NEK10: variants seen among roughly 807,000 people sequenced by gnomAD.
The protein encoded by NEK10 is NIMA related kinase 10.
NEK10 carries 122 observed loss-of-function variants against 159.8 expected under a neutral mutation model. The ratio of observed to expected loss-of-function variants is 0.76; its 90% confidence interval spans 0.66 to 0.89. The LOEUF (loss-of-function observed/expected upper bound fraction) is 0.89, where lower values mean the gene tolerates loss of function less well. NEK10 is among the 40% of genes least tolerant of loss of function. The probability of loss-of-function intolerance (pLI) is 0.00; values close to 1 mark genes in which losing one functional copy is unlikely to be tolerated. For missense variants in NEK10, 1,342 were observed against 1,323.1 expected (o/e 1.01, Z -0.22); for synonymous variants, 466 against 457.1 (o/e 1.02, Z -0.25).
intron 32 of NEK10, among the ~76,000 whole-genome samples, chr3:27,130,310 C>T (rs1226304433): frequency 3.9e-5 from 6 of 152,134 alleles, no homozygotes; most frequent in Admixed American, 3.9e-4. Flanking sequence ...TCTCCTACCA[C>T]CCTACCAATT....
At chr3:27,330,655 T>A (rs1239812509) in intron 5 of NEK10, among the ~76,000 whole-genome samples, 1 of 152,180 alleles carries the variant, frequency 6.6e-6, no homozygotes, top group Admixed American at 6.6e-5. Context: ...TGAACAATCT[T>A]AGCCTCAATG....
At chr3:27,367,933 T>C (rs2049216155) in intron 1 of NEK10, among the ~76,000 whole-genome samples, 1 of 152,082 alleles carries the variant, frequency 6.6e-6, no homozygotes, top group African/African-American at 2.4e-5. Context: ...AAGATTGGAT[T>C]AGGGTAATGG....
intron 5 of NEK10, among the ~76,000 whole-genome samples, chr3:27,323,826 A>G (rs1035940862): frequency 7.8e-4 from 119 of 152,344 alleles, no homozygotes; most frequent in African/African-American, 2.3e-3. Flanking sequence ...AATAAGGACA[A>G]TTGCAATTTT....
At chr3:27,192,782 G>A (rs1279551282) in intron 25 of NEK10, among the ~76,000 whole-genome samples, 4 of 151,992 alleles carry the variant, frequency 2.6e-5, no homozygotes. Context: ...ACATATTATG[G>A]TACATGGGAA....
At chr3:27,220,162 C>A (rs1037684028) in intron 23 of NEK10, among the ~76,000 whole-genome samples, 1 of 152,214 alleles carries the variant, frequency 6.6e-6, no homozygotes, top group Non-Finnish European at 1.5e-5. Flanking sequence ...CCTCTTGTTG[C>A]TGTGCAAATC....
chr3:27,360,030 A>G (rs1464069087), intron 1 of NEK10, among the ~76,000 whole-genome samples: 2 of 152,270 alleles, frequency 1.3e-5, no homozygotes, highest in Non-Finnish European at 2.9e-5. Context: ...TTTTCAAAAT[A>G]AGGTGAGCAA....
intron 31 of NEK10, 49 bp from the exon 32 acceptor site, chr3:27,132,039 A>G (rs1302848700): frequency 3.0e-6 from 3 of 1,013,150 alleles, no homozygotes; most frequent in Non-Finnish European, 4.6e-6. Flanking sequence ...TTAACACTAC[A>G]CAGCTGACTA....
At chr3:27,247,466 C>T (rs1179145431) in intron 23 of NEK10, among the ~76,000 whole-genome samples, 2 of 152,134 alleles carry the variant, frequency 1.3e-5, no homozygotes, top group Non-Finnish European at 2.9e-5. Context: ...GGATAAATCC[C>T]ACTTGATCAT....
intron 5 of NEK10, among the ~76,000 whole-genome samples, chr3:27,329,464 T>A (rs2046244271): frequency 6.6e-6 from 1 of 152,196 alleles, no homozygotes; most frequent in Non-Finnish European, 1.5e-5. Flanking sequence ...GCTCCCAGGA[T>A]GTGACTGTCA....
At chr3:27,305,906 T>C (rs1311143053) in intron 11 of NEK10, among the ~76,000 whole-genome samples, 1 of 152,140 alleles carries the variant, frequency 6.6e-6, no homozygotes, top group Non-Finnish European at 1.5e-5. Context: ...GTGTCATCCA[T>C]TCCCATGATT....
chr3:27,313,680 A>G (rs1466819791), intron 7 of NEK10, among the ~76,000 whole-genome samples: 1 of 152,158 alleles, frequency 6.6e-6, no homozygotes, highest in East Asian at 1.9e-4. Context: ...CATATGGTAT[A>G]TACAATGCTA....
At chr3:27,319,296 G>T (rs769851938) in intron 6 of NEK10, among the ~76,000 whole-genome samples, 1 of 152,122 alleles carries the variant, frequency 6.6e-6, no homozygotes, top group Non-Finnish European at 1.5e-5. Context: ...GTTTAATTCT[G>T]AAAAACTCTA....
At chr3:27,222,782 A>G (rs1316197411) in intron 23 of NEK10, among the ~76,000 whole-genome samples, 1 of 152,100 alleles carries the variant, frequency 6.6e-6, no homozygotes, top group Non-Finnish European at 1.5e-5. Context: ...AAAAAACTCT[A>G]CAAATATTTT....
intron 23 of NEK10, among the ~76,000 whole-genome samples, chr3:27,209,447 CT>C (rs1950812337): frequency 6.6e-6 from 1 of 152,194 alleles, no homozygotes; most frequent in Non-Finnish European, 1.5e-5. Context: ...CTTTCTATTT[CT>C]CTCATGTTGC....
intron 29 of NEK10, among the ~76,000 whole-genome samples, chr3:27,168,431 A>G (rs372813492): frequency 2.6e-5 from 4 of 152,216 alleles, no homozygotes; most frequent in Admixed American, 2.6e-4. Flanking sequence ...GGAAAATCCT[A>G]AACAAATTAG....
intron 25 of NEK10, among the ~76,000 whole-genome samples, chr3:27,193,864 G>T (rs1283864088): frequency 6.6e-6 from 1 of 152,082 alleles, no homozygotes; most frequent in South Asian, 2.1e-4. Context: ...TTCTAGAGAA[G>T]AGGGACATGT....
At chr3:27,315,751 C>G (rs1181071142) in intron 6 of NEK10, among the ~76,000 whole-genome samples, 1 of 152,122 alleles carries the variant, frequency 6.6e-6, no homozygotes, top group Non-Finnish European at 1.5e-5. Flanking sequence ...ACAACTAGAA[C>G]TTAAGACAGA....
At chr3:27,313,783 G>T (rs2044911297) in intron 7 of NEK10, among the ~76,000 whole-genome samples, 1 of 152,122 alleles carries the variant, frequency 6.6e-6, no homozygotes, top group Admixed American at 6.6e-5. Flanking sequence ...TGCAACTTCA[G>T]CTCACTGCAA....
intron 5 of NEK10, among the ~76,000 whole-genome samples, chr3:27,343,804 A>C (rs1398431881): frequency 6.6e-6 from 1 of 152,206 alleles, no homozygotes; most frequent in Non-Finnish European, 1.5e-5. Flanking sequence ...AGGCAAAGAA[A>C]GGAATGTTCG....
Sources: gnomAD v4.1 joint callset for allele counts (sites outside exome capture counted in the v4.1 genomes callset) on GRCh38, gnomAD v4.1.1 for gene constraint, MANE v1.5 for transcripts, NCBI Gene and HGNC (gene_info 2026-07-23, HGNC 2026-07-21) for gene names.